Variants in GSTA2 observed in about 807,000 individuals in gnomAD.
The protein encoded by GSTA2 is glutathione S-transferase alpha 2, also known as glutathione S-transferase A2.
Under a neutral mutation model 22.4 loss-of-function variants are expected in GSTA2, and 27 were observed. That is an observed-to-expected ratio of 1.21 (90% confidence interval 0.89 to 1.67). The LOEUF is 1.67. Among genes scored for constraint, GSTA2 ranks in the 40% most tolerant of loss-of-function variants. The pLI is 0.00. For synonymous variants in GSTA2, 121 were observed against 86.8 expected (o/e 1.39, Z -2.19); for missense variants, 302 against 260.2 (o/e 1.16, Z -1.11).
intron 5 of GSTA2, 150 bp from the exon 6 acceptor site, chr6:52,751,858 A>G (rs1762744818): frequency 8.9e-7 from 1 of 1,125,442 alleles, no homozygotes; most frequent in Non-Finnish European, 1.3e-6. Context: ...CATTATCTGA[A>G]TGAATGAGAT....
intron 6 of GSTA2, 89 bp downstream of exon 6, chr6:52,751,488 T>A: frequency 6.2e-7 from 1 of 1,604,222 alleles, no homozygotes; most frequent in Middle Eastern, 1.7e-4. Context: ...AAGGCTGGGG[T>A]CAAAACATGC....
Position 52,756,283 on chromosome 6 carries a change from T to C in GSTA2, c.114A>G (p.Ala38=), listed in dbSNP as rs1355154550. The change falls in exon 3 of 7, where the codon GCA becomes GCG. Residue 38 remains alanine, a synonymous_variant. Coordinates refer to ENST00000493422, the MANE Select transcript of GSTA2 (RefSeq NM_000846.5). ...CATTTCTTAACTTGTCCAAATCTTCTGCAGATTTTATAAATTTCTCTTCAA... is the reference window on the plus strand; with the variant it reads ...CATTTCTTAACTTGTCCAAATCTTCCGCAGATTTTATAAATTTCTCTTCAA... The part of the protein sequence containing the change: ...VEFEEKFIKS[A]EDLDKLRNDG... The C allele has an allele frequency of 6.2e-7, 1 of 1,604,470 alleles. No individual in the cohort carries two copies. Among genetic ancestry groups the C allele is most frequent in the Non-Finnish European group, 8.5e-7 (1 of 1,171,576 alleles).
chr6:52,755,158 A>G lies in GSTA2; in HGVS notation c.140-83T>C, dbSNP rs143517855. On this transcript the variant is annotated intron_variant, in intron 3 of 6. Coordinates refer to ENST00000493422, the MANE Select transcript of GSTA2 (RefSeq NM_000846.5). The stretch of plus-strand genomic sequence containing the variant: ...ATGAAAAAAAATGGTTGTTGAAATG[A>G]CTAAATTTGTAAAACGAAAAAGAAA... 65 of 1,558,564 alleles carry G rather than the reference A, an allele frequency of 4.2e-5. No individual in the cohort carries two copies. The African/African-American group carries it at 7.6e-4, about 18-fold the overall frequency.
intron 5 of GSTA2, among the ~76,000 whole-genome samples, chr6:52,752,425 A>G (rs908475173): frequency 2.0e-5 from 3 of 152,128 alleles, no homozygotes; most frequent in Non-Finnish European, 4.4e-5. Flanking sequence ...AAACACTGCA[A>G]TATTCTCTGG....
intron 1 of GSTA2, among the ~76,000 whole-genome samples, chr6:52,761,464 T>TC (rs1561898261): frequency 4.0e-4 from 61 of 151,176 alleles, no homozygotes; most frequent in Admixed American, 3.6e-3. Flanking sequence ...TTCTCTATAT[T>TC]TTGTCCGTAG....
Position 52,750,707 on chromosome 6 carries a change from C to T in GSTA2, c.547-8G>A, listed in dbSNP as rs1581770077. On this transcript the variant is annotated splice_region_variant and splice_polypyrimidine_tract_variant and intron_variant, in intron 6 of 6. Transcript: ENST00000493422. ...GATTCTGGTTTTCAGGGCCTGTAAT[C>T]CACAAAGCACAGCCTCACTAAAACA... 1 of 1,612,084 alleles carries T rather than the reference C, an allele frequency of 6.2e-7. No individual in the cohort carries two copies. Among genetic ancestry groups the T allele is most frequent in the African/African-American group, 1.3e-5 (1 of 74,936 alleles).
At chr6:52,751,074 AT>A (rs1194556951) in intron 6 of GSTA2, among the ~76,000 whole-genome samples, 1 of 152,228 alleles carries the variant, frequency 6.6e-6, no homozygotes, top group Non-Finnish European at 1.5e-5. Context: ...GGAAAATGTT[AT>A]AGAAAATAGT....
intron 4 of GSTA2, among the ~76,000 whole-genome samples, chr6:52,754,409 T>C (rs754810641): frequency 6.6e-6 from 1 of 152,170 alleles, no homozygotes; most frequent in African/African-American, 2.4e-5. Flanking sequence ...CTTCTATCCA[T>C]GTGTCAAGGT....
Position 52,758,085 on chromosome 6 carries a change from C to A in GSTA2, c.-30-108G>T, listed in dbSNP as rs112222261. 3,929 of 670,474 alleles carry A rather than the reference C, an allele frequency of 5.9e-3. 114 individuals carry two copies. In the African/African-American group the frequency reaches 0.062, roughly 11 times the overall value. 41.5% of individuals were successfully genotyped at this position (670,474 alleles called of 1,614,324 possible). A position where few individuals can be genotyped will look rare whatever the true frequency, so the allele number is the denominator to read the frequency against. On this transcript the variant is annotated intron_variant, in intron 1 of 6. Transcript: ENST00000493422. Reference sequence around the variant, plus strand: ...CAAACAATGCTGAAGAAGAACCTGCCTTCTTCATGACGGTGTTGGAGGAGT... The same window carrying A: ...CAAACAATGCTGAAGAAGAACCTGCATTCTTCATGACGGTGTTGGAGGAGT...
chr6:52,757,576 T>G (rs1023078233), intron 2 of GSTA2, among the ~76,000 whole-genome samples: 5 of 152,248 alleles, frequency 3.3e-5, no homozygotes, highest in African/African-American at 4.8e-5. Context: ...TTCTAATTGT[T>G]GTATAAATGC....
intron 1 of GSTA2, among the ~76,000 whole-genome samples, chr6:52,759,565 T>TG (rs1762914354): frequency 6.3e-5 from 2 of 31,900 alleles, no homozygotes; most frequent in Admixed American, 4.3e-4. Flanking sequence ...ATTTATTTGT[T>TG]TTTTTTTTTT....
At position 52,752,922 on chromosome 6, in the gene GSTA2, C is replaced by T. The variant is rs776034199; in HGVS notation, c.346G>A (p.Glu116Lys). ...ILLLPFSQPE[E>K]QDAKLALIQE... ...ATCAAGGCAAGCTTGGCATCTTGTT[C>T]CTCAGGTTGACTAAAGGGCAGAAGA... Residue 116 changes from glutamate (E) to lysine (K), a missense_variant, in exon 5 of 7, where the codon GAA becomes AAA. By Grantham distance (56) the Glu-to-Lys change is moderately conservative (BLOSUM62 1). Transcript: ENST00000493422. 5 of 1,614,022 alleles carry T rather than the reference C, an allele frequency of 3.1e-6. No individual in the cohort carries two copies. The South Asian group carries it at 4.4e-5, about 14-fold the overall frequency.
chr6:52,750,495 T>C lies in GSTA2; in HGVS notation c.*82A>G. On this transcript the variant is annotated 3_prime_UTR_variant, in exon 7 of 7. Coordinates refer to ENST00000493422, the MANE Select transcript of GSTA2 (RefSeq NM_000846.5). Reference sequence around the variant, plus strand: ...TTCATTAGCTTCACAACAGGCACAATCAACACTTAGGTAAAGCACTTAATT... The same window carrying C: ...TTCATTAGCTTCACAACAGGCACAACCAACACTTAGGTAAAGCACTTAATT... 1.5e-6 allele frequency: 2 copies of C among 1,359,604 alleles called. No homozygotes were observed. Among genetic ancestry groups the C allele is most frequent in the South Asian group, 2.5e-5 (2 of 79,630 alleles). 84.2% of individuals were successfully genotyped at this position (1,359,604 alleles called of 1,614,324 possible). A position where few individuals can be genotyped will look rare whatever the true frequency, so the allele number is the denominator to read the frequency against.
chr6:52,759,705 A>C (rs1191702988), intron 1 of GSTA2, among the ~76,000 whole-genome samples: 7 of 148,926 alleles, frequency 4.7e-5, no homozygotes, highest in Non-Finnish European at 1.0e-4. Flanking sequence ...CTGCCTCAGC[A>C]TCCTGAGTAG....
chr6:52,756,329 A>C lies in GSTA2; in HGVS notation c.88-20T>G, dbSNP rs375223864. ...TTCAAACTGGAAGCAGAAACAGTAA[A>C]TATGTTCTTGTTAGTTCATTCTATT... On this transcript the variant is annotated intron_variant, in intron 2 of 6. Coordinates refer to ENST00000493422, the MANE Select transcript of GSTA2 (RefSeq NM_000846.5). The C allele has an allele frequency of 2.3e-5, 37 of 1,578,470 alleles. No homozygotes were observed. In the African/African-American group the frequency reaches 4.6e-4, roughly 20 times the overall value.
intron 3 of GSTA2, among the ~76,000 whole-genome samples, chr6:52,755,697 T>G (rs115448923): frequency 0.012 from 1,765 of 150,450 alleles, 39 homozygotes; most frequent in African/African-American, 0.039. Context: ...GTTACAATAG[T>G]ACTGGCAACA....
intron 1 of GSTA2, among the ~76,000 whole-genome samples, chr6:52,762,222 C>T (rs187402580): frequency 2.8e-4 from 42 of 152,232 alleles, no homozygotes; most frequent in African/African-American, 9.6e-4. Flanking sequence ...AGGGAAAGAC[C>T]TGATAGTCCC....
chr6:52,757,248 G>A (rs1416869993), intron 2 of GSTA2, among the ~76,000 whole-genome samples: 1 of 107,282 alleles, frequency 9.3e-6, no homozygotes, highest in Admixed American at 1.1e-4. Flanking sequence ...TTAATATTAT[G>A]CATTTTTATT....
intron 5 of GSTA2, 49 bp downstream of exon 5, chr6:52,752,805 T>G: frequency 6.2e-7 from 1 of 1,610,796 alleles, no homozygotes; most frequent in East Asian, 2.2e-5. Flanking sequence ...ACTATTTTTC[T>G]ACTGGCTTCT....
Sources: allele counts gnomAD v4.1 joint callset (sites outside exome capture counted in the v4.1 genomes callset), GRCh38; gene constraint gnomAD v4.1.1; transcripts MANE v1.5; gene names NCBI Gene and HGNC (gene_info 2026-07-23, HGNC 2026-07-21).